DMD: variants seen among roughly 807,000 people sequenced by gnomAD.
The protein encoded by DMD is dystrophin.
DMD carries 63 observed loss-of-function variants against 330.1 expected under a neutral mutation model. The observed-to-expected ratio is 0.19, with a 90% CI of 0.16 to 0.24. The LOEUF (loss-of-function observed/expected upper bound fraction) is 0.24. Ranked by LOEUF, DMD falls within the 10% of genes least tolerant of loss-of-function variation. The pLI is 1.00. For missense variants in DMD, 3,344 were observed against 2,684.1 expected (o/e 1.25, Z -5.43); for synonymous variants, 1,223 against 959.8 (o/e 1.27, Z -5.07).
chrX:31,334,225 C>T (rs937698699), intron 61 of DMD, among the ~76,000 whole-genome samples: 2 of 112,289 alleles, frequency 1.8e-5, no homozygotes, highest in East Asian at 2.8e-4. Flanking sequence ...TGAGCCACCG[C>T]GCCCGGCCCG....
At chrX:32,481,669 A>G (rs1320654975) in intron 21 of DMD, among the ~76,000 whole-genome samples, 1 of 111,520 alleles carries the variant, frequency 9.0e-6, no homozygotes, top group Non-Finnish European at 1.9e-5. Flanking sequence ...CCAACTTATC[A>G]TATAGCTGGC....
chrX:32,403,606 A>T (rs755772750), intron 30 of DMD, among the ~76,000 whole-genome samples: 1 of 111,731 alleles, frequency 9.0e-6, no homozygotes, highest in African/African-American at 3.2e-5. Flanking sequence ...ACTTGTGTTT[A>T]TGACTGTTTC....
chrX:32,327,211 T>G (rs1228386486), intron 41 of DMD, among the ~76,000 whole-genome samples: 4 of 109,722 alleles, frequency 3.6e-5, no homozygotes, highest in African/African-American at 1.3e-4. Flanking sequence ...AAAAAAGAGA[T>G]AATTAAGTTT....
At chrX:32,753,837 A>C (rs919990029) in intron 7 of DMD, among the ~76,000 whole-genome samples, 4 of 111,802 alleles carry the variant, frequency 3.6e-5, no homozygotes, top group Non-Finnish European at 7.5e-5. Context: ...ATTCACCTTT[A>C]TATAACCTAG....
chrX:32,709,981 C>A (rs1210832662), intron 7 of DMD, among the ~76,000 whole-genome samples: 1 of 110,941 alleles, frequency 9.0e-6, no homozygotes, highest in Non-Finnish European at 1.9e-5. Flanking sequence ...ATGGTCTACA[C>A]CCCCTGAATG....
At chrX:32,312,612 T>A (rs1040905503) in intron 41 of DMD, among the ~76,000 whole-genome samples, 31 of 110,220 alleles carry the variant, frequency 2.8e-4, no homozygotes, top group African/African-American at 9.5e-4. Context: ...TAAATAAAAA[T>A]GAGATTTGCC....
chrX:33,053,346 A>G (rs976847247), intron 1 of DMD, among the ~76,000 whole-genome samples: 1 of 111,541 alleles, frequency 9.0e-6, no homozygotes, highest in Non-Finnish European at 1.9e-5. Flanking sequence ...CTGTAATCCC[A>G]TAACTTTGGG....
intron 62 of DMD, among the ~76,000 whole-genome samples, chrX:31,288,376 T>C (rs1220934542): frequency 8.9e-6 from 1 of 111,994 alleles, no homozygotes; most frequent in Non-Finnish European, 1.9e-5. Flanking sequence ...GGTAGGCCAA[T>C]TGGTATCTTC....
chrX:31,955,438 C>T (rs2095236797), intron 45 of DMD, among the ~76,000 whole-genome samples: 1 of 111,951 alleles, frequency 8.9e-6, no homozygotes, highest in Non-Finnish European at 1.9e-5. Flanking sequence ...AGTTCTCGAT[C>T]CTTCTATAAC....
chrX:32,081,793 A>G (rs2096393504), intron 44 of DMD, among the ~76,000 whole-genome samples: 1 of 111,466 alleles, frequency 9.0e-6, no homozygotes, highest in African/African-American at 3.3e-5. Flanking sequence ...GGCGGAAATT[A>G]CAGTGAGACG....
chrX:32,553,337 CT>C (rs1017967785), intron 16 of DMD, among the ~76,000 whole-genome samples: 6 of 111,293 alleles, frequency 5.4e-5, no homozygotes, highest in Non-Finnish European at 3.8e-5. Flanking sequence ...CATTTTCTCA[CT>C]TCTAAGTGGG....
At chrX:31,168,953 CCTG>C (rs1265893774) in intron 74 of DMD, among the ~76,000 whole-genome samples, 1 of 111,421 alleles carries the variant, frequency 9.0e-6, no homozygotes, top group Non-Finnish European at 1.9e-5. Context: ...GTCTCACTAA[CCTG>C]CTATGATGGT....
intron 57 of DMD, among the ~76,000 whole-genome samples, chrX:31,495,146 A>ATT (rs200871556): frequency 0.036 from 3,379 of 94,281 alleles, 106 homozygotes; most frequent in East Asian, 0.13. Context: ...TTTCCCTGGC[A>ATT]TTTTTTTTTT....
rs1041220505 is a variant in DMD at position 32,868,314 on chromosome X, G to A, written c.94-18494C>T. On this transcript the variant is annotated intron_variant, in intron 2 of 78. Coordinates refer to ENST00000357033, the MANE Select transcript of DMD (RefSeq NM_004006.3). Reference sequence around the variant, plus strand: ...TCTCGCAGGCCACTCGGATGGAGACGACTCCTTAAGACTGCTCAGTTTCCG... The same window carrying A: ...TCTCGCAGGCCACTCGGATGGAGACAACTCCTTAAGACTGCTCAGTTTCCG... Among the ~76,000 whole-genome samples the A allele has an allele frequency of 2.7e-5, 3 of 111,760 alleles. No individual in the cohort carries two copies. In the East Asian group the frequency reaches 8.5e-4, roughly 32 times the overall value.
intron 4 of DMD, among the ~76,000 whole-genome samples, chrX:32,844,415 A>AG (rs2080456745): frequency 1.7e-5 from 1 of 57,220 alleles, no homozygotes; most frequent in African/African-American, 1.7e-4. Context: ...TCAAAAAAAA[A>AG]AAAAAAGAAA....
intron 1 of DMD, among the ~76,000 whole-genome samples, chrX:33,300,137 A>G (rs192663602): frequency 1.8e-3 from 203 of 112,568 alleles, no homozygotes; most frequent in African/African-American, 6.4e-3. Flanking sequence ...TTTAAAGTGA[A>G]GATGAATGAG....
intron 21 of DMD, among the ~76,000 whole-genome samples, chrX:32,481,647 A>C (rs977859783): frequency 9.0e-6 from 1 of 111,289 alleles, no homozygotes; most frequent in African/African-American, 3.3e-5. Flanking sequence ...CATTTCTCCT[A>C]ATGTCCTTTC....
intron 60 of DMD, among the ~76,000 whole-genome samples, chrX:31,397,211 G>C (rs1398559475): frequency 8.9e-6 from 1 of 112,113 alleles, no homozygotes; most frequent in African/African-American, 3.2e-5. Context: ...ATACCAAAGA[G>C]ATGAGTTTGA....
chrX:32,393,398 T>C (rs2098017883), intron 30 of DMD, among the ~76,000 whole-genome samples: 1 of 111,616 alleles, frequency 9.0e-6, no homozygotes, highest in African/African-American at 3.3e-5. Flanking sequence ...AATAACTTTA[T>C]GTCCCAAATG....
Sources: allele counts gnomAD v4.1 joint callset (sites outside exome capture counted in the v4.1 genomes callset), GRCh38; gene constraint gnomAD v4.1.1; transcripts MANE v1.5; gene names NCBI Gene and HGNC (gene_info 2026-07-23, HGNC 2026-07-21).